The following RPL22 variants were observed in gnomAD, a reference collection of about 807,000 sequenced individuals.
RPL22 encodes ribosomal protein L22.
In RPL22, 4 loss-of-function variants were observed where a neutral mutation model predicts 16.2. The observed-to-expected ratio is 0.25, with a 90% CI of 0.12 to 0.57. RPL22 has a LOEUF of 0.57. RPL22 is among the 20% of genes least tolerant of loss of function. RPL22 has a pLI of 0.92. For synonymous variants in RPL22, 43 were observed against 54.8 expected (o/e 0.78, Z 0.95); for missense variants, 83 against 156.1 (o/e 0.53, Z 2.49).
Position 6,185,180 on chromosome 1 carries a change from C to T in RPL22, c.*1492G>A. 1 of 396,702 alleles carries T rather than the reference C, an allele frequency of 2.5e-6. No homozygotes were observed. Among genetic ancestry groups the T allele is most frequent in the Admixed American group, 4.4e-5 (1 of 22,708 alleles). The allele number at this position is 396,702 out of a possible 1,614,324, so 24.6% of individuals were successfully genotyped here. On this transcript the variant is annotated 3_prime_UTR_variant, in exon 4 of 4. Transcript: ENST00000234875. ...TTTTTTCTTTTAACTGAAATGCCAA[C>T]TTCAGCCCAGGGTTTTTTCACAACC...
chr1:6,199,584 G>A lies in RPL22; in HGVS notation c.-11C>T, dbSNP rs754676340. On this transcript the variant is annotated 5_prime_UTR_variant, in exon 1 of 4. Coordinates refer to ENST00000234875, the MANE Select transcript of RPL22 (RefSeq NM_000983.4). ...AACCACAGGAGCCATGGCGGCAGCG[G>A]AGTTAGAAAGGGAGGTGAGCGAACT... The A allele has an allele frequency of 5.1e-6, 8 of 1,568,312 alleles. No individual in the cohort carries two copies. The highest frequency in any genetic ancestry group is 2.7e-5 in the African/African-American group (2 of 73,840).
chr1:6,194,849 C>T (rs555312623), intron 2 of RPL22, among the ~76,000 whole-genome samples: 1 of 152,312 alleles, frequency 6.6e-6, no homozygotes, highest in East Asian at 1.9e-4. Flanking sequence ...GATCATGCTA[C>T]TGCCCTCCAG....
In RPL22 at chr1:6,185,630, G is replaced by T. The variant is rs1465090422; in HGVS notation, c.*1042C>A. On this transcript the variant is annotated 3_prime_UTR_variant, in exon 4 of 4. Coordinates refer to ENST00000234875, the MANE Select transcript of RPL22 (RefSeq NM_000983.4). ...TTTAGACACCGTAAATTCTAATGCA[G>T]ACACTTTTGCATTACTGTTTGAATT... is the stretch of plus-strand genomic sequence containing the variant. The T allele has an allele frequency of 2.8e-6, 1 of 354,700 alleles. No individual in the cohort carries two copies. The highest frequency in any genetic ancestry group is 5.0e-6 in the Non-Finnish European group (1 of 198,938). The allele number at this position is 354,700 out of a possible 1,614,324, so 22.0% of individuals were successfully genotyped here. A position where few individuals can be genotyped will look rare whatever the true frequency, so the allele number is the denominator to read the frequency against.
intron 1 of RPL22, chr1:6,198,005 T>C (rs1667742700): frequency 5.8e-6 from 3 of 514,310 alleles, no homozygotes; most frequent in Middle Eastern, 5.1e-4. Context: ...TCTAGCACTC[T>C]TGACTCACTC....
chr1:6,189,586 T>C (rs1052540468), intron 3 of RPL22, among the ~76,000 whole-genome samples: 1 of 132,200 alleles, frequency 7.6e-6, no homozygotes, highest in South Asian at 2.4e-4. Context: ...AAATCCCTAA[T>C]AGTACACTGG....
chr1:6,189,816 G>A (rs71629776), intron 3 of RPL22, among the ~76,000 whole-genome samples: 1 of 152,138 alleles, frequency 6.6e-6, no homozygotes, highest in Non-Finnish European at 1.5e-5. Context: ...AGCTACTCAG[G>A]AGGCTGAGGC....
chr1:6,188,792 A>T (rs796405144), intron 3 of RPL22, among the ~76,000 whole-genome samples: 23 of 143,244 alleles, frequency 1.6e-4, no homozygotes, highest in African/African-American at 5.6e-4. Context: ...GATCCCTGGC[A>T]TTTTTTTTTT....
At chr1:6,193,093 T>C in intron 2 of RPL22, 39 bp from the exon 3 acceptor site, 2 of 1,610,894 alleles carry the variant, frequency 1.2e-6, no homozygotes, top group Non-Finnish European at 1.7e-6. Context: ...AGTGACAAGT[T>C]CATCTGTCTC....
At chr1:6,187,839 G>A (rs1177339325) in intron 3 of RPL22, among the ~76,000 whole-genome samples, 1 of 152,124 alleles carries the variant, frequency 6.6e-6, no homozygotes, top group Non-Finnish European at 1.5e-5. Context: ...TCACCTCACG[G>A]AGTCAAACCC....
At chr1:6,191,508 A>C (rs1307004672) in intron 3 of RPL22, among the ~76,000 whole-genome samples, 2 of 150,834 alleles carry the variant, frequency 1.3e-5, no homozygotes, top group Non-Finnish European at 3.0e-5. Flanking sequence ...TCTACTAAAA[A>C]TACAAAAAAA....
At chr1:6,189,665 A>G (rs1217875398) in intron 3 of RPL22, among the ~76,000 whole-genome samples, 1 of 151,512 alleles carries the variant, frequency 6.6e-6, no homozygotes, top group South Asian at 2.1e-4. Flanking sequence ...CATGCCTGTA[A>G]TCCCAGCACT....
intron 3 of RPL22, among the ~76,000 whole-genome samples, chr1:6,187,473 A>T (rs1177243487): frequency 1.3e-5 from 2 of 151,376 alleles, no homozygotes; most frequent in African/African-American, 4.9e-5. Flanking sequence ...AATTAGCCAG[A>T]CGTCGTGCTG....
chr1:6,192,748 C>T (rs2100904800), intron 3 of RPL22, among the ~76,000 whole-genome samples, 182 bp downstream of exon 3: 1 of 152,298 alleles, frequency 6.6e-6, no homozygotes, highest in East Asian at 1.9e-4. Context: ...TTTAAAACCA[C>T]CAAAAGTTGA....
At chr1:6,197,865 C>T (rs1314388443) in intron 1 of RPL22, 109 bp from the exon 2 acceptor site, 3 of 828,074 alleles carry the variant, frequency 3.6e-6, no homozygotes, top group Admixed American at 4.2e-5. Flanking sequence ...AAATACAAAA[C>T]TAACGGAAGT....
At position 6,186,769 on chromosome 1, in the gene RPL22, C is replaced by T. The variant is rs1667586599; in HGVS notation, c.290G>A (p.Arg97His). The T allele has an allele frequency of 6.2e-7, 1 of 1,612,368 alleles. No homozygotes were observed. Among genetic ancestry groups the T allele is most frequent in the Non-Finnish European group, 8.5e-7 (1 of 1,179,458 alleles). The change falls in exon 4 of 4, where the codon CGT (arginine) becomes CAT (histidine). Residue 97 changes from arginine to histidine, a missense_variant. Physicochemically the swap from Arg to His is conservative, Grantham distance 29. Coordinates refer to ENST00000234875, the MANE Select transcript of RPL22 (RefSeq NM_000983.4). ...GTTAGCAACTACGCGCAACCAGTCACGTAGATTATTCTTCTTCAAATATTT... is the reference window on the plus strand; with the variant it reads ...GTTAGCAACTACGCGCAACCAGTCATGTAGATTATTCTTCTTCAAATATTT... ...TKKYLKKNNL[R>H]DWLRVVANSK...
chr1:6,189,075 C>T (rs979293193), intron 3 of RPL22, among the ~76,000 whole-genome samples: 65 of 152,172 alleles, frequency 4.3e-4, no homozygotes, highest in African/African-American at 1.2e-3. Flanking sequence ...CGTGAGCCAC[C>T]GCGCTCAGCA....
chr1:6,194,368 C>T (rs1435726861), intron 2 of RPL22, among the ~76,000 whole-genome samples: 1 of 152,124 alleles, frequency 6.6e-6, no homozygotes, highest in Non-Finnish European at 1.5e-5. Context: ...AATTCTAGAC[C>T]TGGTCCAGGG....
At chr1:6,189,611 T>C (rs1032289894) in intron 3 of RPL22, among the ~76,000 whole-genome samples, 44 of 118,444 alleles carry the variant, frequency 3.7e-4, no homozygotes, top group Non-Finnish European at 4.7e-4. Flanking sequence ...AAAAATCAGG[T>C]TAAAAAAAAA....
At chr1:6,193,869 G>C (rs879233560) in intron 2 of RPL22, among the ~76,000 whole-genome samples, 1 of 152,174 alleles carries the variant, frequency 6.6e-6, no homozygotes, top group Non-Finnish European at 1.5e-5. Flanking sequence ...ACACAAGGCC[G>C]ACTGGGCCTC....
Sources: gnomAD v4.1 joint callset for allele counts (sites outside exome capture counted in the v4.1 genomes callset) on GRCh38, gnomAD v4.1.1 for gene constraint, MANE v1.5 for transcripts, NCBI Gene and HGNC (gene_info 2026-07-23, HGNC 2026-07-21) for gene names.